KLHL3: variants seen among roughly 807,000 people sequenced by gnomAD.
KLHL3 encodes the protein kelch-like protein 3.
A neutral mutation model predicts 70.5 loss-of-function variants in KLHL3; 19 were observed. The observed-to-expected ratio is 0.27, with a 90% CI of 0.19 to 0.40. KLHL3 has a LOEUF of 0.40. Among genes scored for constraint, KLHL3 ranks in the 10% least tolerant of loss-of-function variants. The pLI is 1.00. For missense variants in KLHL3, 512 were observed against 771.1 expected, an observed-to-expected ratio of 0.66 and a Z score of 3.98; for synonymous variants, 258 against 290.3, an observed-to-expected ratio of 0.89 and a Z score of 1.13.
chr5:137,648,292 T>G (rs1256218671), intron 8 of KLHL3, among the ~76,000 whole-genome samples: 1 of 152,216 alleles, frequency 6.6e-6, no homozygotes, highest in African/African-American at 2.4e-5. Flanking sequence ...TGTCAACAGC[T>G]TCTTCAAATA....
chr5:137,633,983 G>A (rs1750705898), intron 12 of KLHL3, 54 bp downstream of exon 12: 1 of 1,611,134 alleles, frequency 6.2e-7, no homozygotes, highest in Middle Eastern at 1.7e-4. Context: ...AAAAATTTAA[G>A]GACCCACTTG....
intron 8 of KLHL3, among the ~76,000 whole-genome samples, chr5:137,644,365 C>T (rs144745389): frequency 9.9e-4 from 150 of 152,218 alleles, no homozygotes; most frequent in African/African-American, 2.8e-3. Context: ...CCACTGTGCC[C>T]GGCCTTTTTA....
intron 8 of KLHL3, among the ~76,000 whole-genome samples, chr5:137,656,524 T>A (rs1227034431): frequency 6.6e-6 from 1 of 152,258 alleles, no homozygotes; most frequent in African/African-American, 2.4e-5. Context: ...TTTATTTAAT[T>A]TCAAAATTGT....
chr5:137,698,123 A>C (rs895928666), intron 4 of KLHL3, among the ~76,000 whole-genome samples, 164 bp downstream of exon 4: 1 of 152,094 alleles, frequency 6.6e-6, no homozygotes, highest in African/African-American at 2.4e-5. Flanking sequence ...CAGCTCGACC[A>C]CCTCCTGGCC....
At chr5:137,625,655 G>A (rs577785182) in intron 14 of KLHL3, 98 bp downstream of exon 14, 286 of 1,435,776 alleles carry the variant, frequency 2.0e-4, no homozygotes, top group Non-Finnish European at 2.5e-4. Flanking sequence ...CCCAAGTTAA[G>A]CAAGCTCACA....
intron 5 of KLHL3, among the ~76,000 whole-genome samples, chr5:137,681,736 G>A (rs780800285): frequency 1.3e-5 from 2 of 152,000 alleles, no homozygotes; most frequent in East Asian, 1.9e-4. Context: ...TTATCGTTTC[G>A]CTTCTTTTTC....
chr5:137,705,755 T>C (rs1045907151), intron 3 of KLHL3, among the ~76,000 whole-genome samples: 1 of 151,950 alleles, frequency 6.6e-6, no homozygotes, highest in Non-Finnish European at 1.5e-5. Flanking sequence ...CCATATGGAG[T>C]ACAAATACTA....
chr5:137,726,565 G>C (rs1192800155), intron 1 of KLHL3, among the ~76,000 whole-genome samples: 1 of 152,042 alleles, frequency 6.6e-6, no homozygotes, highest in Non-Finnish European at 1.5e-5. Context: ...AATTCCTGTA[G>C]TATTTCTGGC....
chr5:137,735,536 T>C, intron 1 of KLHL3, 97 bp downstream of exon 1: 1 of 944,304 alleles, frequency 1.1e-6, no homozygotes, highest in African/African-American at 1.6e-5. Context: ...CTTCCAACTC[T>C]GCCTAGCCAA....
At position 137,625,704 on chromosome 5, in the gene KLHL3, C is replaced by A. The variant is rs529552892; in HGVS notation, c.1735+49G>T. ...CTGGCCCACCCAACCCTCATTCCCC[C>A]AGTGTGTTGGAGGCCTCTCGGATGG... On this transcript the variant is annotated intron_variant, in intron 14 of 14. Transcript: ENST00000309755. 6.3e-4 allele frequency: 1,019 copies of A among 1,607,082 alleles called. 13 individuals carry two copies. The South Asian group carries it at 0.011, about 17-fold the overall frequency.
At chr5:137,658,341 C>CA in intron 7 of KLHL3, 61 bp from the exon 8 acceptor site, 1 of 1,532,684 alleles carries the variant, frequency 6.5e-7, no homozygotes, top group South Asian at 1.1e-5. Flanking sequence ...CCCAAGCTTT[C>CA]ACCCTGGGCT....
intron 8 of KLHL3, among the ~76,000 whole-genome samples, chr5:137,644,536 A>G (rs768651572): frequency 3.2e-4 from 49 of 152,252 alleles, no homozygotes; most frequent in Non-Finnish European, 6.8e-4. Flanking sequence ...ATGCATACCC[A>G]GTATGGGATT....
Position 137,658,299 on chromosome 5 carries a change from A to G in KLHL3, c.754-19T>C. The stretch of plus-strand genomic sequence containing the variant: ...CAACCGTCTAGAGGTAATAATCCAC[A>G]GATGATCCTGGAGCACAGCTCAGCC... On this transcript the variant is annotated intron_variant, in intron 7 of 14. Transcript: ENST00000309755. The G allele has an allele frequency of 6.2e-7, 1 of 1,613,658 alleles. No individual in the cohort carries two copies. Among genetic ancestry groups the G allele is most frequent in the East Asian group, 2.2e-5 (1 of 44,870 alleles).
Position 137,619,235 on chromosome 5 carries a change from T to A in KLHL3, c.*2863A>T, listed in dbSNP as rs1296421124. On this transcript the variant is annotated 3_prime_UTR_variant, in exon 15 of 15. Coordinates refer to ENST00000309755, the MANE Select transcript of KLHL3 (RefSeq NM_017415.3). ...CATCTTAGGGGATATTGCAACTGGC[T>A]TGTCGGGAACTAGAATTAAGTATTC... 1 of 152,670 alleles carries A rather than the reference T, an allele frequency of 6.6e-6. No individual in the cohort carries two copies. The highest frequency in any genetic ancestry group is 2.4e-5 in the African/African-American group (1 of 41,470). 9.5% of individuals were successfully genotyped at this position (152,670 alleles called of 1,614,324 possible). A position where few individuals can be genotyped will look rare whatever the true frequency, so the allele number is the denominator to read the frequency against.
intron 6 of KLHL3, among the ~76,000 whole-genome samples, chr5:137,676,438 G>GTCCC (rs1211603477): frequency 6.6e-6 from 1 of 152,182 alleles, no homozygotes; most frequent in Non-Finnish European, 1.5e-5. Flanking sequence ...ATAAGATGTA[G>GTCCC]TCCCTAACAT....
Position 137,620,198 on chromosome 5 carries a change from T to TAA in KLHL3, c.*1899_*1900insTT, listed in dbSNP as rs1384285804. On this transcript the variant is annotated 3_prime_UTR_variant, in exon 15 of 15. Coordinates refer to ENST00000309755, the MANE Select transcript of KLHL3 (RefSeq NM_017415.3). ...CTTCCAGGTCCCCCAAAGCTGGATA[T>TAA]TTTAGCCTCTTCTGAAGGCTTCTAA... 1 of 152,242 alleles carries TAA rather than the reference T, an allele frequency of 6.6e-6. No individual in the cohort carries two copies. Among genetic ancestry groups the TAA allele is most frequent in the Admixed American group, 6.5e-5 (1 of 15,280 alleles). The allele number at this position is 152,242 out of a possible 1,614,324, so 9.4% of individuals were successfully genotyped here. A position where few individuals can be genotyped will look rare whatever the true frequency, so the allele number is the denominator to read the frequency against.
At chr5:137,693,984 T>A (rs1458932140) in intron 4 of KLHL3, among the ~76,000 whole-genome samples, 2 of 152,148 alleles carry the variant, frequency 1.3e-5, no homozygotes, top group African/African-American at 4.8e-5. Context: ...ACTGCCCATT[T>A]GGGGGCTTTG....
chr5:137,726,724 C>T (rs1322026355), intron 1 of KLHL3, among the ~76,000 whole-genome samples: 1 of 152,052 alleles, frequency 6.6e-6, no homozygotes, highest in African/African-American at 2.4e-5. Flanking sequence ...CTTAGCCTGC[C>T]CAGCATGAGG....
chr5:137,710,003 G>T (rs760933781), intron 2 of KLHL3, 147 bp from the exon 3 acceptor site: 8 of 668,282 alleles, frequency 1.2e-5, no homozygotes, highest in Admixed American at 2.2e-5. Context: ...AGTTAGGGAG[G>T]GGGGTGGATT....
Sources: gnomAD v4.1 joint callset for allele counts (sites outside exome capture counted in the v4.1 genomes callset) on GRCh38, gnomAD v4.1.1 for gene constraint, MANE v1.5 for transcripts, NCBI Gene and HGNC (gene_info 2026-07-23, HGNC 2026-07-21) for gene names.